VAV3: variants seen among roughly 807,000 people sequenced by gnomAD.
VAV3 encodes the protein vav guanine nucleotide exchange factor 3.
VAV3 carries 94 observed loss-of-function variants against 131.2 expected under a neutral mutation model. The observed-to-expected ratio is 0.72, with a 90% CI of 0.61 to 0.85. The LOEUF is 0.85. VAV3 is among the 40% of genes least tolerant of loss of function. The pLI is 0.00. For missense variants in VAV3, 939 were observed against 1,002.7 expected, an observed-to-expected ratio of 0.94 and a Z score of 0.86; for synonymous variants, 349 against 342.0, an observed-to-expected ratio of 1.02 and a Z score of -0.22.
intron 20 of VAV3, among the ~76,000 whole-genome samples, chr1:107,625,360 G>A (rs961329389): frequency 2.0e-5 from 3 of 151,622 alleles, no homozygotes; most frequent in Non-Finnish European, 2.9e-5. Context: ...TCCGCCTCCC[G>A]GGCTCAAGTA....
At position 107,596,332 on chromosome 1, in the gene VAV3, C is replaced by G; in HGVS notation, c.2230G>C (p.Glu744Gln). ...RKFKSLMELVEYYKHHSLKEG... is the reference protein window; with the variant it reads ...RKFKSLMELVQYYKHHSLKEG... ...TTGAGAGAATGATGCTTGTAGTACT[C>G]CACAAGTTCCTTTGGAAAAAAGAAT... The change falls in exon 25 of 27, where the codon GAG (glutamate) becomes CAG (glutamine). Residue 744 changes from glutamate to glutamine, a missense_variant. Glu to Gln is a conservative substitution (Grantham distance 29). Transcript: ENST00000370056. 1 of 1,609,176 alleles carries G rather than the reference C, an allele frequency of 6.2e-7. No homozygotes were observed. The highest frequency in any genetic ancestry group is 1.1e-5 in the South Asian group (1 of 89,688).
chr1:107,949,286 A>G (rs1292302635), intron 1 of VAV3, among the ~76,000 whole-genome samples: 2 of 151,016 alleles, frequency 1.3e-5, no homozygotes, highest in Non-Finnish European at 2.9e-5. Flanking sequence ...ACTTATGAAC[A>G]ATCTTTTTTC....
intron 23 of VAV3, 118 bp downstream of exon 23, chr1:107,602,929 C>T (rs1445080092): frequency 5.6e-6 from 4 of 717,188 alleles, no homozygotes; most frequent in Non-Finnish European, 9.5e-6. Context: ...TGGATAGATG[C>T]ATTATTTCTC....
At chr1:107,634,969 A>C (rs11185152) in intron 20 of VAV3, among the ~76,000 whole-genome samples, 1 of 151,472 alleles carries the variant, frequency 6.6e-6, no homozygotes, top group East Asian at 2.0e-4. Context: ...GTCAGGAAAC[A>C]ACAGGTGCTG....
At chr1:107,858,187 T>C (rs1201987719) in intron 2 of VAV3, among the ~76,000 whole-genome samples, 1 of 152,296 alleles carries the variant, frequency 6.6e-6, no homozygotes. Context: ...TCCACTTAAC[T>C]ACAAGAAAAT....
intron 2 of VAV3, among the ~76,000 whole-genome samples, chr1:107,805,039 C>T (rs1251151702): frequency 6.6e-6 from 1 of 152,052 alleles, no homozygotes; most frequent in Non-Finnish European, 1.5e-5. Flanking sequence ...GCCAGACCAA[C>T]TGGAGTTCCT....
intron 1 of VAV3, among the ~76,000 whole-genome samples, chr1:107,952,905 CA>C (rs917243629): frequency 2.6e-5 from 4 of 152,062 alleles, no homozygotes; most frequent in African/African-American, 9.7e-5. Flanking sequence ...ATAAAATTAC[CA>C]AAAAGCAAAT....
At chr1:107,834,529 G>A (rs374298168) in intron 2 of VAV3, among the ~76,000 whole-genome samples, 11 of 151,732 alleles carry the variant, frequency 7.2e-5, no homozygotes, top group Non-Finnish European at 1.0e-4. Context: ...AGCAGAATAC[G>A]CATTCTGATC....
intron 15 of VAV3, among the ~76,000 whole-genome samples, chr1:107,739,915 C>A (rs1465174093): frequency 6.6e-6 from 1 of 152,170 alleles, no homozygotes; most frequent in Non-Finnish European, 1.5e-5. Flanking sequence ...GAGGAAATTT[C>A]AGAGTAAATA....
intron 3 of VAV3, among the ~76,000 whole-genome samples, chr1:107,778,265 G>C (rs1019954445): frequency 2.0e-5 from 3 of 152,086 alleles, no homozygotes; most frequent in Non-Finnish European, 2.9e-5. Flanking sequence ...GAGAAATGTA[G>C]TCTCATAATC....
chr1:107,585,543 T>G (rs1441486566), intron 25 of VAV3, among the ~76,000 whole-genome samples: 1 of 152,150 alleles, frequency 6.6e-6, no homozygotes, highest in Non-Finnish European at 1.5e-5. Flanking sequence ...CCAGCTACTC[T>G]TCCTCTTGGT....
intron 17 of VAV3, among the ~76,000 whole-genome samples, chr1:107,694,008 T>C (rs1238741400): frequency 6.6e-6 from 1 of 152,152 alleles, no homozygotes; most frequent in East Asian, 1.9e-4. Flanking sequence ...AAGATCAAAC[T>C]GATCTGGGTT....
intron 15 of VAV3, 53 bp downstream of exon 15, chr1:107,748,915 T>G (rs1449201129): frequency 3.5e-5 from 45 of 1,277,628 alleles, no homozygotes; most frequent in Non-Finnish European, 4.7e-5. Context: ...TCATTATTCA[T>G]AAGTGATTTA....
At chr1:107,959,165 G>A (rs1173890604) in intron 1 of VAV3, among the ~76,000 whole-genome samples, 1 of 152,216 alleles carries the variant, frequency 6.6e-6, no homozygotes, top group East Asian at 1.9e-4. Flanking sequence ...GGAGGCTAAG[G>A]CAGGAGAATT....
chr1:107,764,696 A>C (rs2102151018), intron 9 of VAV3, among the ~76,000 whole-genome samples: 1 of 152,250 alleles, frequency 6.6e-6, no homozygotes, highest in Middle Eastern at 3.4e-3. Context: ...CTAACTAGTA[A>C]ACATTTTAAA....
At chr1:107,893,452 A>G (rs1017598070) in intron 1 of VAV3, among the ~76,000 whole-genome samples, 27 of 152,182 alleles carry the variant, frequency 1.8e-4, no homozygotes, top group African/African-American at 6.0e-4. Flanking sequence ...AATACCTGAG[A>G]CTGGGTAATT....
chr1:107,753,493 T>TACACACTATATATACAC (rs1663872722), intron 12 of VAV3, among the ~76,000 whole-genome samples: 1 of 111,610 alleles, frequency 9.0e-6, no homozygotes, highest in Non-Finnish European at 1.9e-5. Flanking sequence ...TGTATATATA[T>TACACACTATATATACAC]ACACACATAT....
At chr1:107,757,214 A>T in intron 11 of VAV3, 47 bp downstream of exon 11, 1 of 1,492,150 alleles carries the variant, frequency 6.7e-7, no homozygotes, top group Non-Finnish European at 9.3e-7. Flanking sequence ...CATTGTCTTT[A>T]GGCAAGAATA....
In VAV3 at chr1:107,777,280, C is replaced by G. The variant is rs2102214910; in HGVS notation, c.397G>C (p.Glu133Gln). The change falls in exon 4 of 27, where the codon GAA becomes CAA. Residue 133 changes from glutamate to glutamine, a missense_variant. Transcript: ENST00000370056. Reference sequence around the variant, plus strand: ...TAGATGTCTTCATCATTAATGCTTTCTTCTGTTGGGAAGGGCCTAGGAAGA... The same window carrying G: ...TAGATGTCTTCATCATTAATGCTTTGTTCTGTTGGGAAGGGCCTAGGAAGA... ...ATGIRPFPTE[E>Q]SINDEDIYKG... is the part of the protein sequence containing the mutation. The G allele has an allele frequency of 8.1e-6, 13 of 1,613,964 alleles. No homozygotes were observed. The highest frequency in any genetic ancestry group is 1.0e-5 in the Non-Finnish European group (12 of 1,179,954).
Sources: allele counts gnomAD v4.1 joint callset (sites outside exome capture counted in the v4.1 genomes callset), GRCh38; gene constraint gnomAD v4.1.1; transcripts MANE v1.5; gene names NCBI Gene and HGNC (gene_info 2026-07-23, HGNC 2026-07-21).